The following CSMD3 variants were observed in gnomAD, a reference collection of about 807,000 sequenced individuals.
CSMD3 encodes the protein CUB and Sushi multiple domains 3.
Under a neutral mutation model 435.2 loss-of-function variants are expected in CSMD3, and 177 were observed. The observed-to-expected ratio is 0.41, with a 90% CI of 0.36 to 0.46. CSMD3 has a LOEUF of 0.46. CSMD3 is among the 20% of genes least tolerant of loss of function. CSMD3 has a pLI of 0.34. For synonymous variants in CSMD3, 1,656 were observed against 1,520.5 expected, an observed-to-expected ratio of 1.09 and a Z score of -2.07; for missense variants, 4,265 against 4,504.6, an observed-to-expected ratio of 0.95 and a Z score of 1.52.
At chr8:112,975,692 C>G (rs1034309920) in intron 7 of CSMD3, 145 bp downstream of exon 7, 13 of 1,201,590 alleles carry the variant, frequency 1.1e-5, no homozygotes, top group Non-Finnish European at 1.5e-5. Context: ...TTGGTTGTTA[C>G]TATCCATATT....
intron 32 of CSMD3, among the ~76,000 whole-genome samples, chr8:112,440,209 C>T (rs1456919445): frequency 6.6e-6 from 1 of 152,164 alleles, no homozygotes; most frequent in African/African-American, 2.4e-5. Flanking sequence ...TTGGTCAGAA[C>T]AAAGGGACTA....
intron 5 of CSMD3, among the ~76,000 whole-genome samples, chr8:113,089,209 A>T (rs2089916448): frequency 6.6e-6 from 1 of 151,028 alleles, no homozygotes; most frequent in South Asian, 2.1e-4. Context: ...ATTCAACATC[A>T]CTCTTGGTTT....
intron 3 of CSMD3, among the ~76,000 whole-genome samples, chr8:113,214,195 T>A (rs2092873523): frequency 1.3e-5 from 2 of 152,068 alleles, no homozygotes; most frequent in African/African-American, 4.8e-5. Context: ...TGTTGCTATG[T>A]CATTGTGTAT....
At chr8:112,766,303 T>TA (rs200447432) in intron 13 of CSMD3, among the ~76,000 whole-genome samples, 2 of 138,736 alleles carry the variant, frequency 1.4e-5, no homozygotes, top group African/African-American at 5.1e-5. Context: ...TTGGAATATA[T>TA]TTTTTTTTTT....
chr8:112,906,805 T>A (rs921395265), intron 10 of CSMD3, among the ~76,000 whole-genome samples: 5 of 151,662 alleles, frequency 3.3e-5, no homozygotes, highest in Admixed American at 2.6e-4. Context: ...CTGATCAACC[T>A]TTTTGTTTGT....
chr8:112,372,343 C>T (rs1828478195), intron 38 of CSMD3, among the ~76,000 whole-genome samples: 1 of 151,910 alleles, frequency 6.6e-6, no homozygotes, highest in Non-Finnish European at 1.5e-5. Context: ...AAGAATGTTG[C>T]CTTTATTTAG....
chr8:113,322,223 C>G (rs2093954043), intron 1 of CSMD3, among the ~76,000 whole-genome samples: 1 of 152,042 alleles, frequency 6.6e-6, no homozygotes, highest in African/African-American at 2.4e-5. Flanking sequence ...TAAACTTTTA[C>G]TCATAAATTT....
intron 8 of CSMD3, among the ~76,000 whole-genome samples, chr8:112,953,989 T>C (rs945967180): frequency 2.7e-5 from 4 of 149,484 alleles, no homozygotes; most frequent in Non-Finnish European, 5.9e-5. Flanking sequence ...GACAATTTCC[T>C]AATTTTGACT....
chr8:112,283,715 G>T (rs1362113967), intron 58 of CSMD3, among the ~76,000 whole-genome samples: 2 of 151,304 alleles, frequency 1.3e-5, no homozygotes, highest in Non-Finnish European at 3.0e-5. Context: ...ATTTAGTTAG[G>T]CTTGGTTTTA....
intron 58 of CSMD3, among the ~76,000 whole-genome samples, chr8:112,282,477 T>C (rs1434447174): frequency 6.6e-6 from 1 of 151,532 alleles, no homozygotes; most frequent in Non-Finnish European, 1.5e-5. Context: ...TAGCTTGACG[T>C]AATGCAAGAA....
chr8:113,359,286 C>T (rs2094255255), intron 1 of CSMD3, among the ~76,000 whole-genome samples: 1 of 152,156 alleles, frequency 6.6e-6, no homozygotes, highest in Non-Finnish European at 1.5e-5. Context: ...GTAGTCATTA[C>T]ATCCCAAGTA....
chr8:112,969,852 G>C lies in CSMD3; in HGVS notation c.1342+5985C>G, dbSNP rs1043968091. Among the ~76,000 whole-genome samples, 6 of 152,042 alleles carry C rather than the reference G, an allele frequency of 3.9e-5. No individual in the cohort carries two copies. In the East Asian group the frequency reaches 9.7e-4, roughly 24 times the overall value. ...TAATGCTAAAGCAAAATACAGTGGA[G>C]TAAAACACATCTTAATTATTATTTA... On this transcript the variant is annotated intron_variant, in intron 7 of 70. Transcript: ENST00000297405.
At chr8:112,744,614 AT>A (rs545880939) in intron 13 of CSMD3, among the ~76,000 whole-genome samples, 25 of 151,654 alleles carry the variant, frequency 1.6e-4, no homozygotes, top group Admixed American at 5.3e-4. Flanking sequence ...TAATATAGAG[AT>A]TTTTTTTTCT....
In CSMD3 at chr8:112,365,467, CCTTT is replaced by C. The variant is rs1165430780; in HGVS notation, c.6137-12937_6137-12934del. 3.1e-4 allele frequency among the ~76,000 whole-genome samples: 34 copies of C among 109,804 alleles called. 1 individual carries two copies. The East Asian group carries it at 4.4e-3, about 14-fold the overall frequency. 72.0% of individuals were successfully genotyped at this position (109,804 alleles called of 152,430 possible). On this transcript the variant is annotated intron_variant, in intron 38 of 70. Coordinates refer to ENST00000297405, the MANE Select transcript of CSMD3 (RefSeq NM_198123.2). ...ATGAAAAAAAATTACGCATAGATTT[CCTTT>C]TTTTTTTTTTTTTTTTTTTTTACCA...
At chr8:112,553,455 G>A (rs1827855679) in intron 25 of CSMD3, among the ~76,000 whole-genome samples, 1 of 151,998 alleles carries the variant, frequency 6.6e-6, no homozygotes, top group South Asian at 2.1e-4. Flanking sequence ...CTCTGTACTG[G>A]AAAAGAGAGA....
At chr8:113,209,941 C>T (rs1588280727) in intron 3 of CSMD3, among the ~76,000 whole-genome samples, 1 of 150,906 alleles carries the variant, frequency 6.6e-6, no homozygotes, top group Admixed American at 6.6e-5. Flanking sequence ...TCTCTCTTTT[C>T]TTTACCCTTT....
intron 7 of CSMD3, among the ~76,000 whole-genome samples, chr8:112,956,827 A>G (rs188359281): frequency 3.3e-5 from 5 of 152,198 alleles, no homozygotes; most frequent in African/African-American, 4.8e-5. Flanking sequence ...CTCTTTTATA[A>G]GCATCTATAT....
In CSMD3 at chr8:113,408,472, C is replaced by A. The variant is rs2094542987; in HGVS notation, c.178+28205G>T. Among the ~76,000 whole-genome samples, 4 of 151,966 alleles carry A rather than the reference C, an allele frequency of 2.6e-5. 1 individual carries two copies. On this transcript the variant is annotated intron_variant, in intron 1 of 70. Transcript: ENST00000297405. ...ACAAAAAGAGACTAAGGACGTTTTT[C>A]AATTAAGTAATATAAATGCAATTCT...
chr8:112,869,844 G>C (rs1346056260), intron 10 of CSMD3, among the ~76,000 whole-genome samples: 1 of 152,070 alleles, frequency 6.6e-6, no homozygotes, highest in Admixed American at 6.6e-5. Context: ...AGAACACATG[G>C]ACACAGGGAA....
Sources: allele counts gnomAD v4.1 joint callset (sites outside exome capture counted in the v4.1 genomes callset), GRCh38; gene constraint gnomAD v4.1.1; transcripts MANE v1.5; gene names NCBI Gene and HGNC (gene_info 2026-07-23, HGNC 2026-07-21).